FILIP1: variants seen among roughly 807,000 people sequenced by gnomAD.
FILIP1 encodes filamin-A-interacting protein 1.
A neutral mutation model predicts 102.1 loss-of-function variants in FILIP1; 61 were observed. That is an observed-to-expected ratio of 0.60 (90% CI 0.49 to 0.74). The LOEUF (loss-of-function observed/expected upper bound fraction) is 0.74, where lower values mean the gene tolerates loss of function less well. Among genes scored for constraint, FILIP1 ranks in the 30% least tolerant of loss-of-function variants. The probability of loss-of-function intolerance (pLI) is 0.00; values close to 1 mark genes in which losing one functional copy is unlikely to be tolerated. For missense variants in FILIP1, 1,314 were observed against 1,441.2 expected, an observed-to-expected ratio of 0.91 and a Z score of 1.43; for synonymous variants, 491 against 526.9, an observed-to-expected ratio of 0.93 and a Z score of 0.93.
chr6:75,402,555 A>G (rs1304826477), intron 2 of FILIP1, among the ~76,000 whole-genome samples: 1 of 152,206 alleles, frequency 6.6e-6, no homozygotes, highest in East Asian at 1.9e-4. Flanking sequence ...TCAGAAGCAC[A>G]GGGACTCTAC....
intron 1 of FILIP1, among the ~76,000 whole-genome samples, chr6:75,445,212 T>C (rs1286153572): frequency 6.6e-6 from 1 of 152,166 alleles, no homozygotes; most frequent in Non-Finnish European, 1.5e-5. Flanking sequence ...TTTGTGTCAA[T>C]TCTCTGCTCA....
chr6:75,309,835 A>G (rs1773118622), intron 5 of FILIP1, among the ~76,000 whole-genome samples: 2 of 152,096 alleles, frequency 1.3e-5, no homozygotes, highest in African/African-American at 4.8e-5. Context: ...CTCTGTCCTC[A>G]TTTTCACTAC....
intron 4 of FILIP1, among the ~76,000 whole-genome samples, chr6:75,335,362 A>C (rs1774207629): frequency 2.0e-5 from 3 of 152,202 alleles, no homozygotes. Context: ...AAGTAGGTGA[A>C]TACATTCAGC....
At chr6:75,350,998 G>C (rs1240415730) in intron 4 of FILIP1, among the ~76,000 whole-genome samples, 2 of 152,130 alleles carry the variant, frequency 1.3e-5, no homozygotes, top group Admixed American at 1.3e-4. Flanking sequence ...CGACACTTCT[G>C]TCAACAAGGG....
At chr6:75,473,221 A>G (rs560383762) in intron 1 of FILIP1, among the ~76,000 whole-genome samples, 1 of 152,268 alleles carries the variant, frequency 6.6e-6, no homozygotes, top group South Asian at 2.1e-4. Flanking sequence ...ATGACACAAT[A>G]ATATTATAGG....
intron 6 of FILIP1, among the ~76,000 whole-genome samples, chr6:75,297,820 C>G (rs943823610): frequency 2.6e-5 from 4 of 152,154 alleles, no homozygotes; most frequent in Non-Finnish European, 2.9e-5. Context: ...CTTAAGAAAG[C>G]ATAGATAAAG....
chr6:75,361,428 C>T (rs866815561), intron 3 of FILIP1, among the ~76,000 whole-genome samples: 1 of 152,092 alleles, frequency 6.6e-6, no homozygotes, highest in Non-Finnish European at 1.5e-5. Context: ...CCAAATGAGA[C>T]CATTTATCCA....
chr6:75,441,509 C>G (rs981062918), intron 1 of FILIP1, among the ~76,000 whole-genome samples: 4 of 152,198 alleles, frequency 2.6e-5, no homozygotes, highest in African/African-American at 9.6e-5. Context: ...ACCTCCCAGA[C>G]GGGGTGGTGG....
intron 4 of FILIP1, among the ~76,000 whole-genome samples, chr6:75,334,058 T>A (rs1774163404): frequency 6.6e-6 from 1 of 151,586 alleles, no homozygotes; most frequent in Admixed American, 6.6e-5. Context: ...CTGCAGAAAA[T>A]CCACATGACA....
intron 5 of FILIP1, among the ~76,000 whole-genome samples, chr6:75,309,400 A>G (rs1470228277): frequency 6.6e-6 from 1 of 152,208 alleles, no homozygotes; most frequent in African/African-American, 2.4e-5. Context: ...TTCTTAGGAC[A>G]GACTCATCAA....
rs1296991252 is a variant in FILIP1 at position 75,372,790 on chromosome 6, GAA to G, written c.277-9875_277-9874del. On this transcript the variant is annotated intron_variant, in intron 2 of 5. Coordinates refer to ENST00000237172, the MANE Select transcript of FILIP1 (RefSeq NM_015687.5). ...AGAAAGAAAGAAAGAAAGAAAGAAA[GAA>G]AGAAGGAAAGAAAGAAAGAAAAGAG... 4.0e-5 allele frequency among the ~76,000 whole-genome samples: 4 copies of G among 99,084 alleles called. 1 individual carries two copies. The highest frequency in any genetic ancestry group is 8.7e-5 in the Non-Finnish European group (4 of 45,904). 65.0% of individuals were successfully genotyped at this position (99,084 alleles called of 152,430 possible). A position where few individuals can be genotyped will look rare whatever the true frequency, so the allele number is the denominator to read the frequency against.
At chr6:75,457,385 GA>G (rs973403793) in intron 1 of FILIP1, among the ~76,000 whole-genome samples, 1 of 152,154 alleles carries the variant, frequency 6.6e-6, no homozygotes, top group African/African-American at 2.4e-5. Context: ...GGGTAGAAAG[GA>G]GGAGTGAACT....
chr6:75,304,559 T>G (rs2149536909), downstream of FILIP1, among the ~76,000 whole-genome samples: 1 of 152,316 alleles, frequency 6.6e-6, no homozygotes, highest in Admixed American at 6.5e-5. Flanking sequence ...CATAAATATA[T>G]AAATGTTGGC....
intron 1 of FILIP1, among the ~76,000 whole-genome samples, chr6:75,480,263 A>ACATTTTTATAGTATTAAAAATGTACAC (rs56107656): frequency 0.43 from 63,286 of 147,332 alleles, 14,077 homozygotes; most frequent in Non-Finnish European, 0.5. Context: ...TTATAATACT[A>ACATTTTTATAGTATTAAAAATGTACAC]CATTTTTATA....
chr6:75,350,988 C>T (rs542603503), intron 4 of FILIP1, among the ~76,000 whole-genome samples: 4 of 152,262 alleles, frequency 2.6e-5, no homozygotes, highest in African/African-American at 7.2e-5. Context: ...TGCCACATAA[C>T]GACACTTCTG....
intron 1 of FILIP1, among the ~76,000 whole-genome samples, chr6:75,444,086 A>G (rs764157283): frequency 2.0e-5 from 3 of 152,236 alleles, no homozygotes; most frequent in Non-Finnish European, 4.4e-5. Flanking sequence ...TGACTCAAAT[A>G]TAATTTTGTG....
intron 1 of FILIP1, among the ~76,000 whole-genome samples, chr6:75,475,794 A>T (rs1779458031): frequency 6.6e-6 from 1 of 152,206 alleles, no homozygotes; most frequent in South Asian, 2.1e-4. Flanking sequence ...AAACAGTATG[A>T]TTATATCCAT....
chr6:75,440,945 CA>C (rs200327100), intron 1 of FILIP1, among the ~76,000 whole-genome samples: 3,263 of 60,696 alleles, frequency 0.054, 62 homozygotes, highest in East Asian at 0.22. Context: ...AGCGACGTCT[CA>C]AAAAAAAAAA....
At chr6:75,399,235 G>C (rs1776570225) in intron 2 of FILIP1, 1 of 152,146 alleles carries the variant, frequency 6.6e-6, no homozygotes, top group East Asian at 1.9e-4. Flanking sequence ...ACCTTTGAAG[G>C]GAAACCAAAC....
Sources: gnomAD v4.1 joint callset for allele counts (sites outside exome capture counted in the v4.1 genomes callset) on GRCh38, gnomAD v4.1.1 for gene constraint, MANE v1.5 for transcripts, NCBI Gene and HGNC (gene_info 2026-07-23, HGNC 2026-07-21) for gene names.